Variants in PRKCI observed in about 807,000 individuals in gnomAD.
PRKCI encodes the protein protein kinase C iota.
A neutral mutation model predicts 84.0 loss-of-function variants in PRKCI; 43 were observed. The observed-to-expected ratio is 0.51, with a 90% confidence interval of 0.40 to 0.66. PRKCI has a LOEUF of 0.66. Ranked by LOEUF, PRKCI falls within the 30% of genes least tolerant of loss-of-function variation. The pLI, the probability that PRKCI is intolerant of heterozygous loss-of-function variation, is 0.00. For synonymous variants in PRKCI, 216 were observed against 234.4 expected (o/e 0.92, Z 0.72); for missense variants, 459 against 745.6 (o/e 0.62, Z 4.48).
At chr3:170,295,769 C>T (rs933347918) in intron 14 of PRKCI, 142 bp from the exon 15 acceptor site, 18 of 397,792 alleles carry the variant, frequency 4.5e-5, no homozygotes, top group Admixed American at 8.9e-5. Context: ...TGCTTAAGCC[C>T]GGGAGGTCAA....
rs758865756 is a variant in PRKCI at position 170,259,927 on chromosome 3, G to A, written c.224-42G>A. On this transcript the variant is annotated intron_variant, in intron 2 of 17. Coordinates refer to ENST00000295797, the MANE Select transcript of PRKCI (RefSeq NM_002740.6). ...ATTTGTTTAGTAATCATCACATTTA[G>A]GGGTTTTAAAGTGACCTTTACTTTA... 6.7e-6 allele frequency: 8 copies of A among 1,200,716 alleles called. 1 individual carries two copies. In the South Asian group the frequency reaches 1.0e-4, roughly 15 times the overall value. 74.4% of individuals were successfully genotyped at this position (1,200,716 alleles called of 1,614,324 possible).
At chr3:170,232,610 A>G (rs1175263059) in intron 1 of PRKCI, among the ~76,000 whole-genome samples, 3 of 151,716 alleles carry the variant, frequency 2.0e-5, no homozygotes, top group African/African-American at 4.8e-5. Context: ...TCTGTCGCCC[A>G]AGCTGAAGTC....
intron 2 of PRKCI, chr3:170,244,780 A>G (rs1238307789): frequency 6.6e-6 from 1 of 152,334 alleles, no homozygotes; most frequent in Non-Finnish European, 1.5e-5. Context: ...AACAGGTTAT[A>G]TGGCTGGTCC....
At chr3:170,241,408 A>G (rs1577344877) in intron 2 of PRKCI, among the ~76,000 whole-genome samples, 2 of 152,122 alleles carry the variant, frequency 1.3e-5, no homozygotes, top group East Asian at 3.9e-4. Flanking sequence ...TAGATTCCAT[A>G]TATCATGTGG....
intron 7 of PRKCI, 126 bp from the exon 8 acceptor site, chr3:170,275,103 A>G: frequency 8.6e-7 from 1 of 1,160,908 alleles, no homozygotes; most frequent in East Asian, 2.6e-5. Context: ...ATGAAAATTT[A>G]TTCAGAAGTA....
chr3:170,239,941 A>C (rs1733080902), intron 2 of PRKCI, among the ~76,000 whole-genome samples: 1 of 152,116 alleles, frequency 6.6e-6, no homozygotes, highest in Non-Finnish European at 1.5e-5. Context: ...TGAGCCCAGA[A>C]GTTTGAGACC....
intron 8 of PRKCI, 95 bp from the exon 9 acceptor site, chr3:170,280,132 T>C (rs899615291): frequency 1.8e-6 from 2 of 1,091,698 alleles, no homozygotes; most frequent in South Asian, 4.6e-5. Flanking sequence ...TAGGAAAATA[T>C]CTTTAAATCG....
chr3:170,259,683 G>A (rs544918006), intron 2 of PRKCI, among the ~76,000 whole-genome samples: 1 of 152,168 alleles, frequency 6.6e-6, no homozygotes, highest in African/African-American at 2.4e-5. Context: ...GCACACACCT[G>A]TAATCCCAGC....
At chr3:170,242,460 A>C (rs571966991) in intron 2 of PRKCI, among the ~76,000 whole-genome samples, 2 of 152,108 alleles carry the variant, frequency 1.3e-5, no homozygotes, top group South Asian at 4.2e-4. Context: ...AAGAAAAAGA[A>C]AAGACAAGAA....
chr3:170,222,805 G>A (rs1398142080), intron 1 of PRKCI, 35 bp downstream of exon 1: 2 of 1,534,124 alleles, frequency 1.3e-6, no homozygotes, highest in African/African-American at 1.4e-5. Context: ...GGGCGGGAGG[G>A]GACAGGCCGG....
intron 11 of PRKCI, among the ~76,000 whole-genome samples, chr3:170,283,752 A>G (rs955806962): frequency 2.6e-5 from 4 of 152,178 alleles, no homozygotes; most frequent in Non-Finnish European, 5.9e-5. Flanking sequence ...TAAGTTCCCA[A>G]ATCACGGAAT....
At chr3:170,229,329 T>C (rs966647147) in intron 1 of PRKCI, among the ~76,000 whole-genome samples, 2 of 152,218 alleles carry the variant, frequency 1.3e-5, no homozygotes, top group African/African-American at 4.8e-5. Flanking sequence ...GTTGTTGTTT[T>C]AAGAGACAGA....
At chr3:170,293,240 T>C in intron 13 of PRKCI, 143 bp from the exon 14 acceptor site, 1 of 654,894 alleles carries the variant, frequency 1.5e-6, no homozygotes, top group Non-Finnish European at 2.4e-6. Flanking sequence ...TTCTATAATC[T>C]TCAGTGCCTA....
At chr3:170,249,431 A>G (rs75397731) in intron 2 of PRKCI, among the ~76,000 whole-genome samples, 3,191 of 152,104 alleles carry the variant, frequency 0.021, 52 homozygotes, top group East Asian at 0.085. Context: ...GTGTGCGTTT[A>G]TGTGTGTATG....
At chr3:170,256,863 AGTT>A (rs1405906968) in intron 2 of PRKCI, among the ~76,000 whole-genome samples, 2 of 151,750 alleles carry the variant, frequency 1.3e-5, no homozygotes, top group Non-Finnish European at 2.9e-5. Context: ...TTTTGGTAGT[AGTT>A]GTGTTTCTAT....
rs760816518 is a variant in PRKCI, at chr3:170,299,128, C to A, written c.1703+18C>A. ...GATGACGAGTAAGTAATTCTGTACA[C>A]TGAAATTTTTTTTTAAGTTCTTTGG... On this transcript the variant is annotated intron_variant, in intron 17 of 17. Transcript: ENST00000295797. 1.1e-5 allele frequency: 17 copies of A among 1,478,272 alleles called. No homozygotes were observed. Among genetic ancestry groups the A allele is most frequent in the Middle Eastern group, 3.6e-4 (2 of 5,590 alleles). The allele number at this position is 1,478,272 out of a possible 1,614,324, so 91.6% of individuals were successfully genotyped here.
intron 5 of PRKCI, among the ~76,000 whole-genome samples, chr3:170,269,941 A>G (rs1156397442): frequency 6.6e-6 from 1 of 151,878 alleles, no homozygotes; most frequent in Non-Finnish European, 1.5e-5. Flanking sequence ...CTGGGCAACA[A>G]GAGTGAAACT....
rs549373282 is a variant in PRKCI, at chr3:170,268,095, A to G, written c.450+95A>G. The G allele has an allele frequency of 9.0e-6, 9 of 1,003,786 alleles. No individual in the cohort carries two copies. The African/African-American group carries it at 1.5e-4, about 16-fold the overall frequency. The allele number at this position is 1,003,786 out of a possible 1,614,324, so 62.2% of individuals were successfully genotyped here. On this transcript the variant is annotated intron_variant, in intron 5 of 17. Transcript: ENST00000295797. ...GTAGTTTGTTATTAAGTCTTGTTAT[A>G]CACTTTTAAATACATAAGTAGCATG... is the stretch of plus-strand genomic sequence containing the variant.
At chr3:170,295,131 C>T (rs775988369) in intron 14 of PRKCI, among the ~76,000 whole-genome samples, 2 of 151,834 alleles carry the variant, frequency 1.3e-5, no homozygotes, top group African/African-American at 4.8e-5. Context: ...AGAATCACTT[C>T]AGCCTGGAGG....
Sources: allele counts gnomAD v4.1 joint callset (sites outside exome capture counted in the v4.1 genomes callset), GRCh38; gene constraint gnomAD v4.1.1; transcripts MANE v1.5; gene names NCBI Gene and HGNC (gene_info 2026-07-23, HGNC 2026-07-21).